Variants in TRIQK observed in about 807,000 individuals in gnomAD.
TRIQK encodes the protein triple QxxK/R motif-containing protein.
TRIQK carries 10 observed loss-of-function variants against 10.8 expected under a neutral mutation model. The ratio of observed to expected loss-of-function variants is 0.92; its 90% CI spans 0.57 to 1.57. The LOEUF (loss-of-function observed/expected upper bound fraction) is 1.57, where lower values mean the gene tolerates loss of function less well. Among genes scored for constraint, TRIQK ranks in the 40% most tolerant of loss-of-function variants. TRIQK has a pLI of 0.00. For missense variants in TRIQK, 107 were observed against 97.7 expected, an observed-to-expected ratio of 1.09 and a Z score of -0.40; for synonymous variants, 33 against 33.7, an observed-to-expected ratio of 0.98 and a Z score of 0.07.
intron 1 of TRIQK, among the ~76,000 whole-genome samples, chr8:93,002,503 C>T (rs756604960): frequency 2.0e-5 from 3 of 151,834 alleles, no homozygotes; most frequent in African/African-American, 4.8e-5. Context: ...TAGATAACCT[C>T]GCAAAAAATG....
chr8:92,955,733 A>G (rs986468923), intron 1 of TRIQK, among the ~76,000 whole-genome samples: 1 of 151,852 alleles, frequency 6.6e-6, no homozygotes, highest in African/African-American at 2.4e-5. Context: ...AACATAAAAG[A>G]TCAAATAATA....
At chr8:92,986,811 G>A (rs2130747195) in intron 1 of TRIQK, among the ~76,000 whole-genome samples, 1 of 152,304 alleles carries the variant, frequency 6.6e-6, no homozygotes, top group African/African-American at 2.4e-5. Flanking sequence ...GGCTGAGGGT[G>A]AATGTGCAGA....
intron 3 of TRIQK, among the ~76,000 whole-genome samples, chr8:92,903,092 AACTC>A (rs1809043878): frequency 1.3e-5 from 2 of 151,874 alleles, no homozygotes; most frequent in Admixed American, 1.3e-4. Flanking sequence ...TTTCCAGACT[AACTC>A]AAATCAATTT....
intron 2 of TRIQK, among the ~76,000 whole-genome samples, chr8:92,938,293 G>T (rs953801800): frequency 6.6e-6 from 1 of 151,780 alleles, no homozygotes; most frequent in Non-Finnish European, 1.5e-5. Flanking sequence ...TATTCGAGGT[G>T]TACAACATGA....
At chr8:92,984,043 T>G (rs983424328) in intron 1 of TRIQK, among the ~76,000 whole-genome samples, 2 of 151,992 alleles carry the variant, frequency 1.3e-5, no homozygotes, top group Non-Finnish European at 2.9e-5. Context: ...ATCACAGAAA[T>G]GGAATGCTAA....
chr8:92,910,341 C>A (rs1809504955), intron 3 of TRIQK, among the ~76,000 whole-genome samples: 1 of 144,940 alleles, frequency 6.9e-6, no homozygotes, highest in Non-Finnish European at 1.5e-5. Flanking sequence ...CTCCCTTTCC[C>A]AAAACAAGGA....
upstream of TRIQK, among the ~76,000 whole-genome samples, chr8:92,969,162 A>G (rs1249458883): frequency 6.6e-6 from 1 of 152,002 alleles, no homozygotes; most frequent in Non-Finnish European, 1.5e-5. Flanking sequence ...TGGTCTATAT[A>G]TCTGTTTTGG....
intron 1 of TRIQK, among the ~76,000 whole-genome samples, chr8:92,958,888 T>C (rs1586499890): frequency 6.6e-6 from 1 of 152,098 alleles, no homozygotes; most frequent in African/African-American, 2.4e-5. Context: ...AAGTGCCTCA[T>C]GTGCACCTCT....
intron 1 of TRIQK, among the ~76,000 whole-genome samples, chr8:92,961,395 C>T (rs531200688): frequency 5.6e-4 from 85 of 152,150 alleles, no homozygotes; most frequent in Non-Finnish European, 9.9e-4. Flanking sequence ...ATCTGATATA[C>T]CTCCTCTGCC....
At chr8:92,925,535 G>A (rs1298490257) in intron 2 of TRIQK, among the ~76,000 whole-genome samples, 1 of 151,866 alleles carries the variant, frequency 6.6e-6, no homozygotes, top group Non-Finnish European at 1.5e-5. Flanking sequence ...AATAATGTAA[G>A]GTATACAACC....
At chr8:92,905,260 A>C (rs1287044964) in intron 3 of TRIQK, among the ~76,000 whole-genome samples, 1 of 152,200 alleles carries the variant, frequency 6.6e-6, no homozygotes, top group Admixed American at 6.5e-5. Flanking sequence ...AAAATGAATG[A>C]ACTATATCAA....
At chr8:93,001,106 G>C (rs141141206) in intron 1 of TRIQK, among the ~76,000 whole-genome samples, 10 of 152,184 alleles carry the variant, frequency 6.6e-5, no homozygotes, top group African/African-American at 2.2e-4. Context: ...AGGAGATCAA[G>C]ACCATCCTGG....
intron 2 of TRIQK, among the ~76,000 whole-genome samples, chr8:92,924,940 C>T (rs1274071064): frequency 6.6e-6 from 1 of 151,954 alleles, no homozygotes. Context: ...AACTAATGTC[C>T]TTTATAGCCT....
intron 3 of TRIQK, among the ~76,000 whole-genome samples, chr8:92,916,469 T>C (rs1809852505): frequency 1.3e-5 from 2 of 152,108 alleles, no homozygotes; most frequent in African/African-American, 4.8e-5. Context: ...GAGAATTCTC[T>C]TTCTTTTTTT....
At chr8:92,977,124 C>G (rs1812941267) in intron 1 of TRIQK, among the ~76,000 whole-genome samples, 1 of 151,930 alleles carries the variant, frequency 6.6e-6, no homozygotes, top group South Asian at 2.1e-4. Context: ...ATTATTTTCT[C>G]TTTACTTAAA....
chr8:93,011,153 T>G (rs1410140467), intron 1 of TRIQK, among the ~76,000 whole-genome samples: 1 of 149,768 alleles, frequency 6.7e-6, no homozygotes, highest in Non-Finnish European at 1.5e-5. Flanking sequence ...ATAAACTGTA[T>G]GAATGTGTGT....
chr8:92,932,231 G>C (rs1376235053), intron 2 of TRIQK, among the ~76,000 whole-genome samples: 1 of 151,964 alleles, frequency 6.6e-6, no homozygotes, highest in African/African-American at 2.4e-5. Context: ...CGCCCTCCTT[G>C]GGTACCTCAT....
chr8:92,949,858 GAGAA>G (rs1811802219), intron 2 of TRIQK, among the ~76,000 whole-genome samples: 1 of 103,186 alleles, frequency 9.7e-6, no homozygotes, highest in Non-Finnish European at 2.0e-5. Context: ...GAAAAGAAAA[GAGAA>G]AGGAAGGGAG....
Position 92,886,743 on chromosome 8 carries a change from G to GA in TRIQK, c.148-9dup, listed in dbSNP as rs760147438. 1,138 of 1,400,934 alleles carry GA rather than the reference G, an allele frequency of 8.1e-4. No individual in the cohort carries two copies. The highest frequency in any genetic ancestry group is 1.1e-3 in the Admixed American group (50 of 44,568). 86.8% of individuals were successfully genotyped at this position (1,400,934 alleles called of 1,614,324 possible). ...AAGTACAAGGCCAACTTCCTGGGAAGAAAAAAAAAGTAGACTTGAAATTGA... is the reference window on the plus strand; with the variant it reads ...AAGTACAAGGCCAACTTCCTGGGAAGAAAAAAAAAAGTAGACTTGAAATTGA... On this transcript the variant is annotated splice_polypyrimidine_tract_variant and intron_variant, in intron 4 of 4. Transcript: ENST00000521988.
Sources: allele counts gnomAD v4.1 joint callset (sites outside exome capture counted in the v4.1 genomes callset), GRCh38; gene constraint gnomAD v4.1.1; transcripts MANE v1.5; gene names NCBI Gene and HGNC (gene_info 2026-07-23, HGNC 2026-07-21).